The following CDK14 variants were observed in gnomAD, a reference collection of about 807,000 sequenced individuals.
The protein encoded by CDK14 is cyclin-dependent kinase 14.
A neutral mutation model predicts 60.7 loss-of-function variants in CDK14; 34 were observed. That is an observed-to-expected ratio of 0.56 (90% CI 0.43 to 0.75). CDK14 has a LOEUF of 0.75. CDK14 is among the 30% of genes least tolerant of loss of function. The pLI is 0.00. For synonymous variants in CDK14, 197 were observed against 203.7 expected, an observed-to-expected ratio of 0.97 and a Z score of 0.28; for missense variants, 482 against 564.1, an observed-to-expected ratio of 0.85 and a Z score of 1.47.
chr7:90,958,307 G>C (rs1794493972), intron 9 of CDK14, among the ~76,000 whole-genome samples: 1 of 152,062 alleles, frequency 6.6e-6, no homozygotes, highest in South Asian at 2.1e-4. Context: ...GTGTACATGA[G>C]AACGTATTTA....
At chr7:90,987,126 G>A (rs1161488498) in intron 10 of CDK14, among the ~76,000 whole-genome samples, 1 of 151,908 alleles carries the variant, frequency 6.6e-6, no homozygotes, top group East Asian at 1.9e-4. Context: ...TTTAACAGAA[G>A]TAATTTCTGT....
intron 14 of CDK14, among the ~76,000 whole-genome samples, chr7:91,151,770 A>G (rs961385387): frequency 6.6e-6 from 1 of 152,156 alleles, no homozygotes; most frequent in Non-Finnish European, 1.5e-5. Flanking sequence ...TAGATGGGTG[A>G]CAGAATTCAG....
chr7:91,101,717 C>T (rs1056256051), intron 12 of CDK14, among the ~76,000 whole-genome samples: 1 of 152,162 alleles, frequency 6.6e-6, no homozygotes, highest in African/African-American at 2.4e-5. Context: ...GAGAAGTACA[C>T]TGCACAGGGC....
chr7:91,180,692 G>T (rs1211369615), intron 14 of CDK14, among the ~76,000 whole-genome samples: 1 of 152,206 alleles, frequency 6.6e-6, no homozygotes, highest in Non-Finnish European at 1.5e-5. Context: ...TCTCCACGAG[G>T]TCAGGGAGAA....
chr7:91,007,497 G>A lies in CDK14; in HGVS notation c.1041+23256G>A, dbSNP rs563923191. Among the ~76,000 whole-genome samples, 5 of 152,254 alleles carry A rather than the reference G, an allele frequency of 3.3e-5. No individual in the cohort carries two copies. In the East Asian group the frequency reaches 5.8e-4, roughly 18 times the overall value. On this transcript the variant is annotated intron_variant, in intron 10 of 14. Transcript: ENST00000380050. ...AGTTATGTTAGTTATTTTCTACACCGTATGCATTTCCAGACAGAACACTGC... is the reference window on the plus strand; with the variant it reads ...AGTTATGTTAGTTATTTTCTACACCATATGCATTTCCAGACAGAACACTGC...
At chr7:91,103,403 A>C (rs1309632934) in intron 12 of CDK14, among the ~76,000 whole-genome samples, 1 of 152,138 alleles carries the variant, frequency 6.6e-6, no homozygotes, top group Non-Finnish European at 1.5e-5. Flanking sequence ...AGTCTGGCAG[A>C]GGACTCCAGG....
chr7:90,692,936 TAAA>T (rs764007388), intron 2 of CDK14, among the ~76,000 whole-genome samples: 1 of 141,144 alleles, frequency 7.1e-6, no homozygotes, highest in South Asian at 2.2e-4. Flanking sequence ...TTCCATCAAG[TAAA>T]AAAAAAAAAA....
At chr7:90,837,727 C>T (rs1790157662) in intron 5 of CDK14, among the ~76,000 whole-genome samples, 1 of 152,090 alleles carries the variant, frequency 6.6e-6, no homozygotes, top group South Asian at 2.1e-4. Flanking sequence ...TGGATTCTGC[C>T]TTCTTGACTC....
intron 5 of CDK14, 33 bp downstream of exon 5, chr7:90,790,685 T>C: frequency 7.1e-7 from 1 of 1,412,848 alleles, no homozygotes; most frequent in Admixed American, 1.7e-5. Flanking sequence ...ATTGCTTTTG[T>C]GTTTCTATGG....
intron 14 of CDK14, among the ~76,000 whole-genome samples, chr7:91,175,135 A>G (rs1188449825): frequency 2.0e-5 from 3 of 149,792 alleles, no homozygotes; most frequent in Non-Finnish European, 3.0e-5. Flanking sequence ...AAGCCAGAAG[A>G]GAGTGGGGGC....
intron 6 of CDK14, among the ~76,000 whole-genome samples, chr7:90,890,892 A>G (rs1792100600): frequency 6.6e-6 from 1 of 152,212 alleles, no homozygotes; most frequent in East Asian, 1.9e-4. Context: ...AGTAGATTAA[A>G]AACTATTATG....
At chr7:90,882,583 G>T (rs1329476206) in intron 6 of CDK14, among the ~76,000 whole-genome samples, 2 of 152,130 alleles carry the variant, frequency 1.3e-5, no homozygotes, top group Non-Finnish European at 2.9e-5. Context: ...CTTAGCTCTG[G>T]ATCAAGCAGA....
At chr7:91,064,353 ACTGT>A (rs904103598) in intron 11 of CDK14, among the ~76,000 whole-genome samples, 12 of 152,322 alleles carry the variant, frequency 7.9e-5, no homozygotes, top group Non-Finnish European at 1.0e-4. Flanking sequence ...CCAGATCTAC[ACTGT>A]CTAAGTTCAC....
intron 13 of CDK14, 93 bp downstream of exon 13, chr7:91,112,774 T>G: frequency 7.6e-7 from 1 of 1,324,140 alleles, no homozygotes; most frequent in Non-Finnish European, 1.1e-6. Context: ...ATTCACATAT[T>G]TGTGTGTCCA....
chr7:90,636,669 C>T (rs574187462), intron 2 of CDK14, among the ~76,000 whole-genome samples: 33 of 151,942 alleles, frequency 2.2e-4, no homozygotes, highest in Non-Finnish European at 4.3e-4. Flanking sequence ...AGGGAGGATT[C>T]CCTCTTTTTC....
chr7:91,019,616 A>G (rs2115865841), intron 10 of CDK14, among the ~76,000 whole-genome samples: 1 of 152,238 alleles, frequency 6.6e-6, no homozygotes, highest in Admixed American at 6.5e-5. Flanking sequence ...ATTTTTTTGT[A>G]ATGCCTTAAT....
In CDK14 at chr7:90,827,269, T is replaced by G. The variant is rs117011672; in HGVS notation, c.545-35906T>G. ...CATTTAAAGTTCCTGTATATCTTTT[T>G]GTGAATTGATATCTCATTTCTTTTT... On this transcript the variant is annotated intron_variant, in intron 5 of 14. Transcript: ENST00000380050. Among the ~76,000 whole-genome samples, 1,297 of 152,368 alleles carry G rather than the reference T, an allele frequency of 8.5e-3. 8 individuals carry two copies. Among genetic ancestry groups the G allele is most frequent in the Non-Finnish European group, 0.013 (889 of 68,040 alleles).
intron 3 of CDK14, among the ~76,000 whole-genome samples, chr7:90,731,398 T>A (rs1802860624): frequency 6.6e-6 from 1 of 152,354 alleles, no homozygotes; most frequent in East Asian, 1.9e-4. Context: ...GATAGCTTGA[T>A]GGGGATAGCA....
At chr7:91,132,782 T>C (rs1287241545) in intron 14 of CDK14, among the ~76,000 whole-genome samples, 1 of 152,158 alleles carries the variant, frequency 6.6e-6, no homozygotes, top group Non-Finnish European at 1.5e-5. Flanking sequence ...AGCAGAACTT[T>C]GCGTGAAGCC....
Sources: gnomAD v4.1 joint callset for allele counts (sites outside exome capture counted in the v4.1 genomes callset) on GRCh38, gnomAD v4.1.1 for gene constraint, MANE v1.5 for transcripts, NCBI Gene and HGNC (gene_info 2026-07-23, HGNC 2026-07-21) for gene names.